KLHL28: variants seen among roughly 807,000 people sequenced by gnomAD.
The protein encoded by KLHL28 is kelch like family member 28, also known as kelch-like protein 28.
In KLHL28, 22 loss-of-function variants were observed where a neutral mutation model predicts 48.3. The ratio of observed to expected loss-of-function variants is 0.46; its 90% CI spans 0.33 to 0.65. The LOEUF is 0.65. Ranked by LOEUF, KLHL28 falls within the 30% of genes least tolerant of loss-of-function variation. The pLI is 0.03. For synonymous variants in KLHL28, 243 were observed against 242.4 expected (o/e 1.00, Z -0.02); for missense variants, 527 against 704.3 (o/e 0.75, Z 2.85).
rs1883311388 is a variant in KLHL28 at position 44,924,327 on chromosome 14, A to AT, written c.*4700dup. On this transcript the variant is annotated 3_prime_UTR_variant, in exon 5 of 5. Transcript: ENST00000396128. Reference sequence around the variant, plus strand: ...TTATCATATGACATATACAAAGTAGATTTTTCATTTTTATTTTAAACATTT... The same window carrying AT: ...TTATCATATGACATATACAAAGTAGATTTTTTCATTTTTATTTTAAACATTT... 6.6e-6 allele frequency: 1 copy of AT among 152,196 alleles called. No individual in the cohort carries two copies. The highest frequency in any genetic ancestry group is 1.5e-5 in the Non-Finnish European group (1 of 68,042). 9.4% of individuals were successfully genotyped at this position (152,196 alleles called of 1,614,324 possible). A position where few individuals can be genotyped will look rare whatever the true frequency, so the allele number is the denominator to read the frequency against.
intron 4 of KLHL28, among the ~76,000 whole-genome samples, 185 bp downstream of exon 4, chr14:44,931,148 A>C (rs1159947853): frequency 6.6e-6 from 1 of 152,214 alleles, no homozygotes; most frequent in Non-Finnish European, 1.5e-5. Context: ...TAAAAGTCAC[A>C]ATAAAGAAAT....
At chr14:44,939,462 G>A (rs549447060) in intron 2 of KLHL28, among the ~76,000 whole-genome samples, 13 of 152,110 alleles carry the variant, frequency 8.5e-5, no homozygotes, top group Admixed American at 5.2e-4. Flanking sequence ...TTTCTGTTCC[G>A]CTTACCATTT....
At chr14:44,934,638 A>C in intron 2 of KLHL28, 80 bp from the exon 3 acceptor site, 1 of 1,061,114 alleles carries the variant, frequency 9.4e-7, no homozygotes, top group Non-Finnish European at 1.3e-6. Flanking sequence ...CTTATTAGTA[A>C]TCAGGGACAC....
At chr14:44,959,119 A>C (rs1884927605) in intron 1 of KLHL28, among the ~76,000 whole-genome samples, 1 of 151,930 alleles carries the variant, frequency 6.6e-6, no homozygotes, top group African/African-American at 2.4e-5. Flanking sequence ...GATATATAAT[A>C]AATGAATAAT....
Position 44,929,018 on chromosome 14 carries a change from T to A in KLHL28, c.*10A>T. ...TTCACCACCATACTATTTCCGAGAGTTCACATTTGTCAAAGTGCAGTTAAC... is the reference window on the plus strand; with the variant it reads ...TTCACCACCATACTATTTCCGAGAGATCACATTTGTCAAAGTGCAGTTAAC... On this transcript the variant is annotated 3_prime_UTR_variant, in exon 5 of 5. Transcript: ENST00000396128. 6.2e-7 allele frequency: 1 copy of A among 1,612,598 alleles called. No homozygotes were observed. The highest frequency in any genetic ancestry group is 8.5e-7 in the Non-Finnish European group (1 of 1,179,176).
chr14:44,941,628 CAAA>C (rs1247926852), intron 2 of KLHL28, among the ~76,000 whole-genome samples: 6 of 81,068 alleles, frequency 7.4e-5, no homozygotes, highest in Admixed American at 1.4e-4. Flanking sequence ...AACTCTGTCT[CAAA>C]AAAAAAAAAA....
intron 3 of KLHL28, 52 bp downstream of exon 3, chr14:44,934,063 G>A: frequency 7.1e-7 from 1 of 1,405,516 alleles, no homozygotes; most frequent in Non-Finnish European, 9.7e-7. Flanking sequence ...CATTGCTAAT[G>A]AGACTTTTAA....
rs1009567822 is a variant in KLHL28 at position 44,926,175 on chromosome 14, G to T, written c.*2853C>A. The T allele has an allele frequency of 5.9e-5, 9 of 152,166 alleles. No individual in the cohort carries two copies. Among genetic ancestry groups the T allele is most frequent in the African/African-American group, 2.2e-4 (9 of 41,450 alleles). 9.4% of individuals were successfully genotyped at this position (152,166 alleles called of 1,614,324 possible). On this transcript the variant is annotated 3_prime_UTR_variant, in exon 5 of 5. Coordinates refer to ENST00000396128, the MANE Select transcript of KLHL28 (RefSeq NM_017658.5). The stretch of plus-strand genomic sequence containing the variant: ...AGGCGCTAATGTAAACATATTAGTT[G>T]TCAGGTCAGATTAGTAGCTCTGGTT...
intron 3 of KLHL28, among the ~76,000 whole-genome samples, chr14:44,932,251 G>C (rs946432225): frequency 3.3e-5 from 3 of 91,548 alleles, no homozygotes; most frequent in Non-Finnish European, 5.7e-5. Flanking sequence ...AGAGAGGGGT[G>C]GGGGGTGGGG....
Position 44,945,391 on chromosome 14 carries a change from C to T in KLHL28, c.538G>A (p.Asp180Asn). The T allele has an allele frequency of 6.2e-7, 1 of 1,614,184 alleles. No homozygotes were observed. ...TEEFFELTHA[D>N]LDEIVSNDCL... ...TCATTGGAAACAATTTCATCCAAGTCAGCATGTGTAAGCTCAAAAAACTCT... is the reference window on the plus strand; with the variant it reads ...TCATTGGAAACAATTTCATCCAAGTTAGCATGTGTAAGCTCAAAAAACTCT... The change falls in exon 2 of 5, where the codon GAC becomes AAC. Residue 180 changes from aspartate (D) to asparagine (N), a missense_variant. Coordinates refer to ENST00000396128, the MANE Select transcript of KLHL28 (RefSeq NM_017658.5).
At chr14:44,952,213 A>C (rs1259554348) in intron 1 of KLHL28, among the ~76,000 whole-genome samples, 1 of 152,198 alleles carries the variant, frequency 6.6e-6, no homozygotes, top group Non-Finnish European at 1.5e-5. Flanking sequence ...AAAAAATATG[A>C]CTTTAGAAAA....
In KLHL28 at chr14:44,929,023, A is replaced by G. The variant is rs375753663; in HGVS notation, c.*5T>C. 8.1e-6 allele frequency: 13 copies of G among 1,613,622 alleles called. No individual in the cohort carries two copies. The highest frequency in any genetic ancestry group is 1.1e-5 in the Non-Finnish European group (13 of 1,179,678). The stretch of plus-strand genomic sequence containing the variant: ...CACCATACTATTTCCGAGAGTTCAC[A>G]TTTGTCAAAGTGCAGTTAACCCAAA... On this transcript the variant is annotated 3_prime_UTR_variant, in exon 5 of 5. Transcript: ENST00000396128.
At chr14:44,949,664 G>A (rs532117500) in intron 1 of KLHL28, among the ~76,000 whole-genome samples, 2 of 152,174 alleles carry the variant, frequency 1.3e-5, no homozygotes, top group South Asian at 4.1e-4. Context: ...ACACAATAAG[G>A]ATCCTGAAAG....
chr14:44,952,756 AG>A lies in KLHL28; in HGVS notation c.1-6829del, dbSNP rs1483594412. 5.2e-3 allele frequency among the ~76,000 whole-genome samples: 791 copies of A among 152,296 alleles called. 9 individuals are homozygous for A. Among genetic ancestry groups the A allele is most frequent in the African/African-American group, 0.018 (734 of 41,564 alleles). On this transcript the variant is annotated intron_variant, in intron 1 of 4. Coordinates refer to ENST00000396128, the MANE Select transcript of KLHL28 (RefSeq NM_017658.5). Reference sequence around the variant, plus strand: ...GCAACTGTGACTATATTTGGTTCTCAGCTATCTACCCATAAATGGCTAAAAA... The same window carrying A: ...GCAACTGTGACTATATTTGGTTCTCACTATCTACCCATAAATGGCTAAAAA...
At chr14:44,950,769 A>T (rs1305849705) in intron 1 of KLHL28, among the ~76,000 whole-genome samples, 1 of 152,216 alleles carries the variant, frequency 6.6e-6, no homozygotes, top group Non-Finnish European at 1.5e-5. Flanking sequence ...GCTGGTACAT[A>T]AGCACTCAGT....
intron 1 of KLHL28, among the ~76,000 whole-genome samples, chr14:44,957,582 G>A (rs1156400225): frequency 6.6e-6 from 1 of 152,102 alleles, no homozygotes; most frequent in East Asian, 1.9e-4. Context: ...ATAATTCTAT[G>A]AAAGAGCATC....
At position 44,925,784 on chromosome 14, in the gene KLHL28, C is replaced by G. The variant is rs1372973966; in HGVS notation, c.*3244G>C. 7 of 152,226 alleles carry G rather than the reference C, an allele frequency of 4.6e-5. No individual in the cohort carries two copies. The East Asian group carries it at 1.3e-3, about 29-fold the overall frequency. The allele number at this position is 152,226 out of a possible 1,614,324, so 9.4% of individuals were successfully genotyped here. A position where few individuals can be genotyped will look rare whatever the true frequency, so the allele number is the denominator to read the frequency against. ...ACATTTAAAACAATAACAGCAATAA[C>G]ACAATTTATAAATATCCTTGGAGCT... On this transcript the variant is annotated 3_prime_UTR_variant, in exon 5 of 5. Coordinates refer to ENST00000396128, the MANE Select transcript of KLHL28 (RefSeq NM_017658.5).
Position 44,928,584 on chromosome 14 carries a change from G to A in KLHL28, c.*444C>T, listed in dbSNP as rs1426353307. ...AAAAATGTGAAGCATTTACATCCAA[G>A]AAGCAGTATCAGCACTCTGTCCATT... On this transcript the variant is annotated 3_prime_UTR_variant, in exon 5 of 5. Coordinates refer to ENST00000396128, the MANE Select transcript of KLHL28 (RefSeq NM_017658.5). 6.7e-6 allele frequency: 1 copy of A among 149,980 alleles called. No individual in the cohort carries two copies. Among genetic ancestry groups the A allele is most frequent in the Non-Finnish European group, 1.5e-5 (1 of 67,858 alleles). 9.3% of individuals were successfully genotyped at this position (149,980 alleles called of 1,614,324 possible). A position where few individuals can be genotyped will look rare whatever the true frequency, so the allele number is the denominator to read the frequency against.
In KLHL28 at chr14:44,934,522, A is replaced by T; in HGVS notation, c.936T>A (p.Ile312=). ...GAGGAATGTTTAGGGGTGCCAAACC[A>T]ATCCAAGAGTCATTCTGAGGAAAGT... The part of the protein sequence containing the change: ...EMYFPQNDSW[I]GLAPLNIPRY... Residue 312 remains isoleucine, a synonymous_variant, in exon 3 of 5, where the codon ATT becomes ATA. Coordinates refer to ENST00000396128, the MANE Select transcript of KLHL28 (RefSeq NM_017658.5). 1 of 1,601,614 alleles carries T rather than the reference A, an allele frequency of 6.2e-7. No individual in the cohort carries two copies. Among genetic ancestry groups the T allele is most frequent in the Non-Finnish European group, 8.5e-7 (1 of 1,174,062 alleles).
Sources: gnomAD v4.1 joint callset for allele counts (sites outside exome capture counted in the v4.1 genomes callset) on GRCh38, gnomAD v4.1.1 for gene constraint, MANE v1.5 for transcripts, NCBI Gene and HGNC (gene_info 2026-07-23, HGNC 2026-07-21) for gene names.